Variants in ATP6V0A4 observed in about 807,000 individuals in gnomAD.
The protein encoded by ATP6V0A4 is ATPase H+ transporting V0 subunit a4.
Under a neutral mutation model 107.3 loss-of-function variants are expected in ATP6V0A4, and 86 were observed. The observed-to-expected ratio is 0.80, with a 90% CI of 0.67 to 0.96. ATP6V0A4 has a LOEUF of 0.96. Ranked by LOEUF, ATP6V0A4 falls within the 40% of genes least tolerant of loss-of-function variation. The pLI is 0.00. For missense variants in ATP6V0A4, 908 were observed against 1,045.6 expected (o/e 0.87, Z 1.81); for synonymous variants, 353 against 381.4 (o/e 0.93, Z 0.87).
At chr7:138,734,043 C>A (rs1490286799) in intron 16 of ATP6V0A4, 93 bp downstream of exon 16, 1 of 1,411,576 alleles carries the variant, frequency 7.1e-7, no homozygotes, top group Non-Finnish European at 9.9e-7. Context: ...AAAACTTGCA[C>A]AGAGAGATGC....
At position 138,752,547 on chromosome 7, in the gene ATP6V0A4, C is replaced by G. The variant is rs536829814; in HGVS notation, c.1029+78G>C. ...ACCAAGTCACTTGAGTTCATGTGGC[C>G]CATGAGGCCAACACCCTCTGAGAGC... On this transcript the variant is annotated intron_variant, in intron 11 of 21. Transcript: ENST00000310018. 3.2e-6 allele frequency: 5 copies of G among 1,566,232 alleles called. No individual in the cohort carries two copies. In the African/African-American group the frequency reaches 6.8e-5, roughly 21 times the overall value.
At chr7:138,726,117 G>A (rs1207384842) in intron 18 of ATP6V0A4, among the ~76,000 whole-genome samples, 1 of 152,016 alleles carries the variant, frequency 6.6e-6, no homozygotes, top group African/African-American at 2.4e-5. Context: ...AGCCTCCCGA[G>A]TAGCTGGGAC....
rs201940817 is a variant in ATP6V0A4, at chr7:138,756,509, A to G, written c.671T>C (p.Ile224Thr). 1.5e-5 allele frequency: 24 copies of G among 1,603,178 alleles called. No individual in the cohort carries two copies. The highest frequency in any genetic ancestry group is 1.8e-5 in the Non-Finnish European group (21 of 1,174,176). Residue 224 changes from isoleucine to threonine, a missense_variant, in exon 9 of 22, where the codon ATA (isoleucine) becomes ACA (threonine). Physicochemically the swap from Ile to Thr is moderately conservative, Grantham distance 89. Transcript: ENST00000310018. ...CCTGAGCTGCTCTCCTTGGTAAAAT[A>G]TGATGAATATGTTCTTCTGAATTTC... is the stretch of plus-strand genomic sequence containing the variant. ...KEEIQKNIFIIFYQGEQLRQK... is the reference protein window; with the variant it reads ...KEEIQKNIFITFYQGEQLRQK...
At chr7:138,767,730 A>C (rs1475071429) in intron 5 of ATP6V0A4, among the ~76,000 whole-genome samples, 1 of 150,852 alleles carries the variant, frequency 6.6e-6, no homozygotes, top group Non-Finnish European at 1.5e-5. Context: ...GAGCTGTTCC[A>C]CTGCCGAGGA....
intron 8 of ATP6V0A4, among the ~76,000 whole-genome samples, chr7:138,758,739 A>ATTGTTTT: frequency 1.7e-5 from 1 of 59,176 alleles, no homozygotes; most frequent in Non-Finnish European, 2.9e-5. Context: ...CTGACTCAGA[A>ATTGTTTT]TTTTTTTTTT....
At chr7:138,722,819 G>A (rs1187761475) in intron 18 of ATP6V0A4, among the ~76,000 whole-genome samples, 3 of 150,832 alleles carry the variant, frequency 2.0e-5, no homozygotes, top group Non-Finnish European at 4.4e-5. Context: ...AGTGCTGTGG[G>A]AGGCCAAGTT....
At chr7:138,795,726 A>T (rs1258979618) in intron 1 of ATP6V0A4, among the ~76,000 whole-genome samples, 1 of 152,090 alleles carries the variant, frequency 6.6e-6, no homozygotes, top group Non-Finnish European at 1.5e-5. Context: ...CTGCAGCCTC[A>T]ACCTCCTGGG....
At chr7:138,713,720 G>C (rs1392161496) in intron 20 of ATP6V0A4, among the ~76,000 whole-genome samples, 1 of 152,118 alleles carries the variant, frequency 6.6e-6, no homozygotes, top group Non-Finnish European at 1.5e-5. Flanking sequence ...ATCAGATAGA[G>C]AGAGAATTAA....
rs781376064 is a variant in ATP6V0A4, at chr7:138,734,116, G to A, written c.1691+20C>T. ...AGTGTGATCAGACAGAGCAGGCAGAGAGTGCATCAAGAAACTTACATGTGA... is the reference window on the plus strand; with the variant it reads ...AGTGTGATCAGACAGAGCAGGCAGAAAGTGCATCAAGAAACTTACATGTGA... On this transcript the variant is annotated intron_variant, in intron 16 of 21. Coordinates refer to ENST00000310018, the MANE Select transcript of ATP6V0A4 (RefSeq NM_020632.3). The A allele has an allele frequency of 1.1e-5, 18 of 1,596,294 alleles. No individual in the cohort carries two copies. Among genetic ancestry groups the A allele is most frequent in the Non-Finnish European group, 1.5e-5 (18 of 1,164,332 alleles).
intron 14 of ATP6V0A4, among the ~76,000 whole-genome samples, chr7:138,741,174 A>C (rs1805618105): frequency 6.6e-6 from 1 of 152,128 alleles, no homozygotes; most frequent in African/African-American, 2.4e-5. Context: ...ATTAAAAAAT[A>C]ATGAAATGTG....
At chr7:138,756,650 A>C in intron 8 of ATP6V0A4, 110 bp from the exon 9 acceptor site, 1 of 1,390,718 alleles carries the variant, frequency 7.2e-7, no homozygotes, top group Non-Finnish European at 9.8e-7. Context: ...TCATACATTT[A>C]AAACTGGGAA....
In ATP6V0A4 at chr7:138,773,290, G is replaced by A. The variant is rs537247104; in HGVS notation, c.-17-2026C>T. ...AGCTCCCACCCCCTTCAGGCCCTTC[G>A]CCCAGGCTTTCCCCTGGGTTTGGAA... On this transcript the variant is annotated intron_variant, in intron 2 of 21. Transcript: ENST00000310018. The surrounding 1 kb of genome is among the most constrained non-coding windows in gnomAD (Gnocchi z 5.4). 2.0e-5 allele frequency among the ~76,000 whole-genome samples: 3 copies of A among 152,040 alleles called. No homozygotes were observed. The highest frequency in any genetic ancestry group is 4.8e-5 in the African/African-American group (2 of 41,468).
chr7:138,778,472 AAG>A lies in ATP6V0A4; in HGVS notation c.-17-7210_-17-7209del, dbSNP rs1262791883. Among the ~76,000 whole-genome samples, 10 of 151,974 alleles carry A rather than the reference AAG, an allele frequency of 6.6e-5. 1 individual carries two copies. Among genetic ancestry groups the A allele is most frequent in the African/African-American group, 2.4e-4 (10 of 41,414 alleles). On this transcript the variant is annotated intron_variant, in intron 2 of 21. Transcript: ENST00000310018. Reference sequence around the variant, plus strand: ...TATGCAAATATTCCAAAATCTGAAAAAGTCTGAAATCTAAAACACTTCTGGTC... The same window carrying A: ...TATGCAAATATTCCAAAATCTGAAAATCTGAAATCTAAAACACTTCTGGTC...
At chr7:138,736,635 A>G (rs745839355) in intron 15 of ATP6V0A4, among the ~76,000 whole-genome samples, 5 of 151,960 alleles carry the variant, frequency 3.3e-5, no homozygotes, top group Non-Finnish European at 7.4e-5. Flanking sequence ...GCAATGGTGC[A>G]ATCTCGGCTC....
At chr7:138,729,065 G>A (rs903914674) in intron 17 of ATP6V0A4, 14 of 656,270 alleles carry the variant, frequency 2.1e-5, no homozygotes, top group Non-Finnish European at 2.6e-5. Flanking sequence ...CCAAATGTTC[G>A]ACACGGGGTA....
intron 18 of ATP6V0A4, among the ~76,000 whole-genome samples, chr7:138,724,634 T>C (rs1301901637): frequency 2.6e-5 from 4 of 152,192 alleles, no homozygotes; most frequent in Non-Finnish European, 4.4e-5. Context: ...CTTTATCCCA[T>C]GGGGAGGGAC....
intron 1 of ATP6V0A4, among the ~76,000 whole-genome samples, chr7:138,790,928 C>G (rs1808381082): frequency 6.6e-6 from 1 of 152,054 alleles, no homozygotes; most frequent in South Asian, 2.1e-4. Flanking sequence ...TTTCTATAAA[C>G]AATAGTATGT....
chr7:138,718,410 A>AT (rs1554389615), intron 19 of ATP6V0A4, among the ~76,000 whole-genome samples: 11 of 64,542 alleles, frequency 1.7e-4, no homozygotes, highest in Admixed American at 2.1e-4. Flanking sequence ...CCAGGAAGGA[A>AT]GGGGGGGCGT....
At chr7:138,711,247 CATGG>C (rs965202967) in intron 20 of ATP6V0A4, among the ~76,000 whole-genome samples, 5 of 152,112 alleles carry the variant, frequency 3.3e-5, no homozygotes, top group African/African-American at 1.2e-4. Context: ...GGAGGGAGGT[CATGG>C]ATGGGGATCG....
Sources: allele counts gnomAD v4.1 joint callset (sites outside exome capture counted in the v4.1 genomes callset), GRCh38; gene constraint gnomAD v4.1.1; non-coding constraint Gnocchi (gnomAD v3.1); transcripts MANE v1.5; gene names NCBI Gene and HGNC (gene_info 2026-07-23, HGNC 2026-07-21).